Variants in ELMOD2 observed in about 807,000 individuals in gnomAD.
ELMOD2 encodes ELMO domain containing 2.
ELMOD2 carries 28 observed loss-of-function variants against 41.0 expected under a neutral mutation model. The ratio of observed to expected loss-of-function variants is 0.68; its 90% CI spans 0.51 to 0.94. The LOEUF (loss-of-function observed/expected upper bound fraction) is 0.94. ELMOD2 is among the 40% of genes least tolerant of loss of function. The pLI is 0.00. For missense variants in ELMOD2, 333 were observed against 343.1 expected (o/e 0.97, Z 0.23); for synonymous variants, 106 against 107.2 (o/e 0.99, Z 0.07).
chr4:140,535,177 C>T (rs1254439534), intron 3 of ELMOD2, among the ~76,000 whole-genome samples: 1 of 132,038 alleles, frequency 7.6e-6, no homozygotes, highest in Non-Finnish European at 1.6e-5. Flanking sequence ...CTCTCTCTCT[C>T]GCCTTGGGGT....
rs1734500421 is a variant in ELMOD2, at chr4:140,524,725, C to T, written c.-10+445C>T. 4.1e-6 allele frequency: 3 copies of T among 734,820 alleles called. No homozygotes were observed. In the South Asian group the frequency reaches 1.8e-4, roughly 45 times the overall value. The allele number at this position is 734,820 out of a possible 1,614,324, so 45.5% of individuals were successfully genotyped here. A position where few individuals can be genotyped will look rare whatever the true frequency, so the allele number is the denominator to read the frequency against. On this transcript the variant is annotated intron_variant, in intron 1 of 8. Transcript: ENST00000323570. The stretch of plus-strand genomic sequence containing the variant: ...CGAGCAATTTTGTTTTTAAGTATCT[C>T]CCTCTCACTAGTATCTCCCTGACTT...
rs768591795 is a variant in ELMOD2, at chr4:140,535,794, T to G, written c.233T>G (p.Met78Arg). 3.1e-6 allele frequency: 5 copies of G among 1,610,404 alleles called. No individual in the cohort carries two copies. Among genetic ancestry groups the G allele is most frequent in the Non-Finnish European group, 4.2e-6 (5 of 1,179,056 alleles). Residue 78 changes from methionine to arginine, a missense_variant, in exon 4 of 9, where the codon ATG (methionine) becomes AGG (arginine). Physicochemically the swap from Met to Arg is moderately conservative, Grantham distance 91. Transcript: ENST00000323570. ...SEVDKYVDDIMKEKNINPEKD... is the reference protein window; with the variant it reads ...SEVDKYVDDIRKEKNINPEKD... ...GTGGACAAATATGTAGATGATATTA[T>G]GAAGGAAAAGAATATTAACCCTGAG...
chr4:140,543,372 T>G, intron 7 of ELMOD2, 81 bp from the exon 8 acceptor site: 1 of 1,454,568 alleles, frequency 6.9e-7, no homozygotes, highest in Admixed American at 2.4e-5. Context: ...GAAGTCACTT[T>G]CTACTAATTC....
intron 4 of ELMOD2, among the ~76,000 whole-genome samples, chr4:140,536,105 C>T (rs1194586140): frequency 1.3e-5 from 2 of 152,170 alleles, no homozygotes; most frequent in Non-Finnish European, 2.9e-5. Flanking sequence ...AGGTTAATAA[C>T]TTTGGCTACT....
In ELMOD2 at chr4:140,552,504, T is replaced by TC. The variant is rs1044852942; in HGVS notation, c.*2130dup. On this transcript the variant is annotated 3_prime_UTR_variant, in exon 9 of 9. Transcript: ENST00000323570. ...TTGAGTCTAGAAGCCAAGCAAACTG[T>TC]CACCAATGTCAGTTGTAAATTAGAA... is the stretch of plus-strand genomic sequence containing the variant. 13 of 152,062 alleles carry TC rather than the reference T, an allele frequency of 8.5e-5. No individual in the cohort carries two copies. The highest frequency in any genetic ancestry group is 3.1e-4 in the African/African-American group (13 of 41,440). The allele number at this position is 152,062 out of a possible 1,614,324, so 9.4% of individuals were successfully genotyped here.
intron 5 of ELMOD2, among the ~76,000 whole-genome samples, chr4:140,538,923 C>T (rs1735018080): frequency 6.6e-6 from 1 of 152,188 alleles, no homozygotes; most frequent in South Asian, 2.1e-4. Context: ...AGTGGTTCTA[C>T]ACTGTGGCTC....
At chr4:140,543,738 C>T in intron 8 of ELMOD2, 152 bp downstream of exon 8, 1 of 614,586 alleles carries the variant, frequency 1.6e-6, no homozygotes, top group East Asian at 3.4e-5. Context: ...AACAAGAAAA[C>T]AGTGGAAGAT....
intron 3 of ELMOD2, among the ~76,000 whole-genome samples, chr4:140,530,902 T>A (rs1219356806): frequency 1.3e-5 from 2 of 152,166 alleles, no homozygotes; most frequent in Non-Finnish European, 2.9e-5. Context: ...CCTGATATTA[T>A]CAATTACCAG....
intron 4 of ELMOD2, among the ~76,000 whole-genome samples, chr4:140,536,425 G>T (rs1734929103): frequency 2.0e-5 from 3 of 152,104 alleles, no homozygotes; most frequent in African/African-American, 7.2e-5. Context: ...GATGAGGAAC[G>T]GTCTAGGAGG....
intron 7 of ELMOD2, 114 bp downstream of exon 7, chr4:140,542,756 A>C: frequency 1.2e-6 from 1 of 819,800 alleles, no homozygotes; most frequent in Non-Finnish European, 1.8e-6. Flanking sequence ...TTTAATAAGA[A>C]CTTTTTAAAG....
chr4:140,525,521 G>A lies in ELMOD2; in HGVS notation c.93G>A (p.Leu31=). The A allele has an allele frequency of 6.2e-7, 1 of 1,613,898 alleles. No homozygotes were observed. Among genetic ancestry groups the A allele is most frequent in the Non-Finnish European group, 8.5e-7 (1 of 1,179,932 alleles). Residue 31 remains leucine, a synonymous_variant, in exon 2 of 9, where the codon TTG becomes TTA. Transcript: ENST00000323570. ...LLRQMTGKCE[L]QRIFDTYVGA... Reference sequence around the variant, plus strand: ...GACAGATGACTGGGAAGTGTGAATTGCAGCGAATATTTGATACCTATGTAG... The same window carrying A: ...GACAGATGACTGGGAAGTGTGAATTACAGCGAATATTTGATACCTATGTAG...
At chr4:140,536,772 A>G (rs1280479712) in intron 4 of ELMOD2, among the ~76,000 whole-genome samples, 1 of 152,222 alleles carries the variant, frequency 6.6e-6, no homozygotes, top group Non-Finnish European at 1.5e-5. Flanking sequence ...GGCAGAAGGA[A>G]TAAAGAATAG....
chr4:140,537,623 C>G, intron 5 of ELMOD2, 82 bp downstream of exon 5: 1 of 1,532,508 alleles, frequency 6.5e-7, no homozygotes, highest in Non-Finnish European at 8.8e-7. Flanking sequence ...TCTGCAAATT[C>G]TAGAGGCTTA....
At chr4:140,546,332 G>A (rs188017501) in intron 8 of ELMOD2, among the ~76,000 whole-genome samples, 5 of 151,182 alleles carry the variant, frequency 3.3e-5, no homozygotes, top group Admixed American at 1.3e-4. Context: ...ACCGGGGCCT[G>A]TTGTGGGGTT....
At chr4:140,549,357 A>ATATATG (rs376699079) in intron 8 of ELMOD2, among the ~76,000 whole-genome samples, 2 of 150,132 alleles carry the variant, frequency 1.3e-5, no homozygotes, top group Non-Finnish European at 3.0e-5. Flanking sequence ...GTTTACATAT[A>ATATATG]TGTGTGTGTG....
At chr4:140,549,062 C>CA (rs1735384028) in intron 8 of ELMOD2, among the ~76,000 whole-genome samples, 1 of 152,010 alleles carries the variant, frequency 6.6e-6, no homozygotes, top group Admixed American at 6.6e-5. Flanking sequence ...CTCCTCCCCC[C>CA]ACCATCCTAG....
At position 140,535,199 on chromosome 4, in the gene ELMOD2, A is replaced by G. The variant is rs534560316; in HGVS notation, c.172-534A>G. 2.8e-5 allele frequency among the ~76,000 whole-genome samples: 4 copies of G among 145,348 alleles called. No individual in the cohort carries two copies. The South Asian group carries it at 8.7e-4, about 32-fold the overall frequency. ...TCTCGCCTTGGGGTATATCTAAACT[A>G]AGGACTCTATTTTTATTTTTCTTAC... On this transcript the variant is annotated intron_variant, in intron 3 of 8. Transcript: ENST00000323570.
At chr4:140,545,827 C>T (rs1481481280) in intron 8 of ELMOD2, among the ~76,000 whole-genome samples, 2 of 151,970 alleles carry the variant, frequency 1.3e-5, no homozygotes. Context: ...ATTAAAAAGT[C>T]AGGAAACAAC....
At chr4:140,540,965 A>G (rs553115148) in intron 6 of ELMOD2, among the ~76,000 whole-genome samples, 161 of 152,266 alleles carry the variant, frequency 1.1e-3, no homozygotes, top group Non-Finnish European at 1.7e-3. Flanking sequence ...GTCTCTTTAT[A>G]TATGTTCTTC....
Sources: allele counts gnomAD v4.1 joint callset (sites outside exome capture counted in the v4.1 genomes callset), GRCh38; gene constraint gnomAD v4.1.1; transcripts MANE v1.5; gene names NCBI Gene and HGNC (gene_info 2026-07-23, HGNC 2026-07-21).